Variants in SOX5 observed in about 807,000 individuals in gnomAD.
SOX5 encodes transcription factor SOX-5.
A neutral mutation model predicts 92.0 loss-of-function variants in SOX5; 9 were observed. The ratio of observed to expected loss-of-function variants is 0.10; its 90% CI spans 0.06 to 0.17. The LOEUF (loss-of-function observed/expected upper bound fraction) is 0.17. SOX5 is among the 10% of genes least tolerant of loss of function. The pLI, the probability that SOX5 is intolerant of heterozygous loss-of-function variation, is 1.00. For synonymous variants in SOX5, 344 were observed against 336.3 expected (o/e 1.02, Z -0.25); for missense variants, 642 against 944.5 (o/e 0.68, Z 4.20).
intron 9 of SOX5, among the ~76,000 whole-genome samples, chr12:23,589,623 T>C (rs2137086205): frequency 6.6e-6 from 1 of 152,096 alleles, no homozygotes; most frequent in East Asian, 1.9e-4. Flanking sequence ...CTATAGATAA[T>C]ATCTCTCCAG....
At chr12:23,544,964 CT>C (rs1228419741) in intron 12 of SOX5, among the ~76,000 whole-genome samples, 30 of 152,236 alleles carry the variant, frequency 2.0e-4, no homozygotes, top group Admixed American at 3.3e-4. Flanking sequence ...TAAACAAGCT[CT>C]TTAAATGTAC....
intron 4 of SOX5, among the ~76,000 whole-genome samples, chr12:24,071,367 G>C (rs1414676537): frequency 6.6e-6 from 1 of 152,174 alleles, no homozygotes. Flanking sequence ...TAGGCAGATG[G>C]CTCAAGAAGG....
intron 2 of SOX5, among the ~76,000 whole-genome samples, chr12:24,292,814 A>G (rs752781885): frequency 2.6e-5 from 4 of 152,218 alleles, no homozygotes; most frequent in Non-Finnish European, 4.4e-5. Context: ...AAATTTCCAC[A>G]GACTAGCTTC....
intron 3 of SOX5, among the ~76,000 whole-genome samples, chr12:23,816,869 C>T (rs963195759): frequency 5.3e-5 from 8 of 152,118 alleles, no homozygotes; most frequent in African/African-American, 9.7e-5. Context: ...CCACATCACA[C>T]GCCACTGAGG....
chr12:23,766,996 T>C (rs1418585433), intron 3 of SOX5, among the ~76,000 whole-genome samples: 1 of 152,114 alleles, frequency 6.6e-6, no homozygotes, highest in African/African-American at 2.4e-5. Flanking sequence ...AGAGACTCTC[T>C]TGAACCCAGA....
chr12:23,819,193 C>T (rs1446382096), intron 3 of SOX5, among the ~76,000 whole-genome samples: 1 of 152,212 alleles, frequency 6.6e-6, no homozygotes, highest in Non-Finnish European at 1.5e-5. Flanking sequence ...TCACCACAAA[C>T]TTGTGAATAA....
At chr12:24,099,157 C>A (rs1945778705) in intron 4 of SOX5, among the ~76,000 whole-genome samples, 1 of 152,126 alleles carries the variant, frequency 6.6e-6, no homozygotes, top group South Asian at 2.1e-4. Context: ...TCAATCTTTT[C>A]TTTCTGTAAT....
intron 13 of SOX5, among the ~76,000 whole-genome samples, chr12:23,538,425 A>G (rs1438985707): frequency 6.6e-6 from 1 of 152,202 alleles, no homozygotes; most frequent in East Asian, 1.9e-4. Context: ...TTCCTTTCGT[A>G]AACTTCTGTT....
At chr12:24,481,180 C>T (rs1945949015) in intron 1 of SOX5, among the ~76,000 whole-genome samples, 1 of 151,986 alleles carries the variant, frequency 6.6e-6, no homozygotes, top group African/African-American at 2.4e-5. Flanking sequence ...TGCATATTCT[C>T]GCTTATGTGT....
At chr12:23,550,209 T>C (rs1003556883) in intron 11 of SOX5, among the ~76,000 whole-genome samples, 1 of 151,900 alleles carries the variant, frequency 6.6e-6, no homozygotes, top group African/African-American at 2.4e-5. Flanking sequence ...CCAAAAACCA[T>C]TCTGAATGGC....
chr12:23,715,314 A>AAAT (rs955789613), intron 6 of SOX5, among the ~76,000 whole-genome samples: 11 of 151,962 alleles, frequency 7.2e-5, no homozygotes, highest in Admixed American at 6.6e-4. Context: ...AAATAAAATA[A>AAAT]AATAAATGCA....
chr12:23,751,463 T>C (rs1210490563), intron 4 of SOX5, among the ~76,000 whole-genome samples: 1 of 151,880 alleles, frequency 6.6e-6, no homozygotes, highest in Non-Finnish European at 1.5e-5. Flanking sequence ...CCTTACTAGA[T>C]TTTTTACCTG....
intron 1 of SOX5, among the ~76,000 whole-genome samples, chr12:24,374,586 A>G (rs1018047346): frequency 2.6e-5 from 4 of 152,142 alleles, no homozygotes; most frequent in African/African-American, 9.7e-5. Context: ...CATGGGGAGA[A>G]AAGGGGGAAC....
chr12:24,068,631 A>G (rs1941183588), intron 4 of SOX5, among the ~76,000 whole-genome samples: 2 of 149,092 alleles, frequency 1.3e-5, no homozygotes, highest in South Asian at 4.3e-4. Flanking sequence ...TCATCTCCTC[A>G]GCAAAACAAC....
At chr12:24,192,301 T>C (rs1956601391) in intron 4 of SOX5, among the ~76,000 whole-genome samples, 8 of 152,194 alleles carry the variant, frequency 5.3e-5, no homozygotes. Context: ...TAGAACTAAA[T>C]TATTTTGAAT....
intron 1 of SOX5, chr12:23,920,522 T>A (rs971744835): frequency 6.6e-6 from 1 of 152,224 alleles, no homozygotes; most frequent in African/African-American, 2.4e-5. Context: ...TAGGTCCAAG[T>A]TGAGTATAGG....
intron 2 of SOX5, among the ~76,000 whole-genome samples, chr12:23,853,497 A>G (rs527640745): frequency 6.6e-5 from 10 of 151,062 alleles, no homozygotes; most frequent in Non-Finnish European, 1.3e-4. Context: ...TTTTAAAAAT[A>G]TCTTTATTTT....
At chr12:24,471,129 A>G (rs954907953) in intron 1 of SOX5, among the ~76,000 whole-genome samples, 2 of 152,116 alleles carry the variant, frequency 1.3e-5, no homozygotes, top group East Asian at 3.9e-4. Context: ...GATAGTTGCT[A>G]TTTTAGGCAT....
At chr12:23,551,712 A>T (rs576461277) in intron 11 of SOX5, among the ~76,000 whole-genome samples, 65 of 151,926 alleles carry the variant, frequency 4.3e-4, no homozygotes, top group Non-Finnish European at 8.3e-4. Flanking sequence ...TGAGATATGA[A>T]CTCAGGGGAT....
Sources: allele counts gnomAD v4.1 joint callset (sites outside exome capture counted in the v4.1 genomes callset), GRCh38; gene constraint gnomAD v4.1.1; transcripts MANE v1.5; gene names NCBI Gene and HGNC (gene_info 2026-07-23, HGNC 2026-07-21).